FSTL5: variants seen among roughly 807,000 people sequenced by gnomAD.
FSTL5 encodes the protein follistatin-related protein 5.
FSTL5 carries 62 observed loss-of-function variants against 89.1 expected under a neutral mutation model. The observed-to-expected ratio is 0.70, with a 90% CI of 0.57 to 0.86. FSTL5 has a LOEUF of 0.86. Ranked by LOEUF, FSTL5 falls within the 40% of genes least tolerant of loss-of-function variation. The probability of loss-of-function intolerance (pLI) is 0.00; values close to 1 mark genes in which losing one functional copy is unlikely to be tolerated. For synonymous variants in FSTL5, 383 were observed against 346.2 expected (o/e 1.11, Z -1.18); for missense variants, 1,057 against 1,001.6 (o/e 1.06, Z -0.75).
At chr4:162,156,310 C>T (rs754929390) in intron 1 of FSTL5, among the ~76,000 whole-genome samples, 1 of 152,154 alleles carries the variant, frequency 6.6e-6, no homozygotes, top group Non-Finnish European at 1.5e-5. Flanking sequence ...TAGATTACTT[C>T]AGCCACTGAA....
chr4:161,985,814 A>G (rs769668208), intron 3 of FSTL5, among the ~76,000 whole-genome samples: 3 of 152,038 alleles, frequency 2.0e-5, no homozygotes, highest in Non-Finnish European at 4.4e-5. Flanking sequence ...TCATTACTCA[A>G]ATACCTACAT....
intron 4 of FSTL5, among the ~76,000 whole-genome samples, chr4:161,864,044 C>A (rs1732002567): frequency 6.6e-6 from 1 of 152,200 alleles, no homozygotes; most frequent in Non-Finnish European, 1.5e-5. Flanking sequence ...GTAGTGTCAA[C>A]TTTTGTTTCT....
chr4:162,025,559 G>A lies in FSTL5; in HGVS notation c.160+8066C>T, dbSNP rs116053874. On this transcript the variant is annotated intron_variant, in intron 3 of 15. Coordinates refer to ENST00000306100, the MANE Select transcript of FSTL5 (RefSeq NM_020116.5). ...TTTCAATAGCACAGAGCACATTTGAGCAGAATTTCCACTCATTTCAAGTGT... is the reference window on the plus strand; with the variant it reads ...TTTCAATAGCACAGAGCACATTTGAACAGAATTTCCACTCATTTCAAGTGT... 5.6e-3 allele frequency among the ~76,000 whole-genome samples: 846 copies of A among 152,084 alleles called. 9 individuals carry two copies. Among genetic ancestry groups the A allele is most frequent in the African/African-American group, 0.019 (802 of 41,522 alleles).
intron 5 of FSTL5, among the ~76,000 whole-genome samples, chr4:161,767,738 G>C (rs533589332): frequency 8.5e-5 from 13 of 152,208 alleles, no homozygotes; most frequent in African/African-American, 3.1e-4. Context: ...GATGAAATAG[G>C]ACGATTCAGA....
At chr4:161,506,799 T>C (rs1428685504) in intron 11 of FSTL5, among the ~76,000 whole-genome samples, 2 of 152,208 alleles carry the variant, frequency 1.3e-5, no homozygotes, top group Admixed American at 6.5e-5. Context: ...TGAAGTGTAA[T>C]GTAATATTAA....
chr4:161,689,524 A>G (rs1737859335), intron 6 of FSTL5, among the ~76,000 whole-genome samples: 1 of 152,150 alleles, frequency 6.6e-6, no homozygotes, highest in Admixed American at 6.5e-5. Flanking sequence ...TGCATTTTAA[A>G]TTTAATCTCA....
rs531217811 is a variant in FSTL5, at chr4:161,545,247, A to T, written c.1016-2554T>A. Among the ~76,000 whole-genome samples the T allele has an allele frequency of 5.3e-5, 8 of 152,172 alleles. No individual in the cohort carries two copies. The East Asian group carries it at 1.5e-3, about 29-fold the overall frequency. On this transcript the variant is annotated intron_variant, in intron 8 of 15. Transcript: ENST00000306100. ...AGTGAGCTACAACTGTTTCTCCCTC[A>T]AGAATAGTTCCCAAAGCAGGTGAAG...
At chr4:161,447,212 G>A (rs1383785381) in intron 15 of FSTL5, among the ~76,000 whole-genome samples, 1 of 152,006 alleles carries the variant, frequency 6.6e-6, no homozygotes, top group Non-Finnish European at 1.5e-5. Flanking sequence ...AAAATTTGTT[G>A]TAGAATGAGT....
intron 4 of FSTL5, among the ~76,000 whole-genome samples, chr4:161,908,255 C>A (rs1733592078): frequency 6.6e-6 from 1 of 151,934 alleles, no homozygotes; most frequent in Non-Finnish European, 1.5e-5. Flanking sequence ...AAGAATAGAT[C>A]TGTCACCTGA....
intron 10 of FSTL5, among the ~76,000 whole-genome samples, chr4:161,519,994 G>A (rs1017316911): frequency 2.6e-5 from 4 of 151,904 alleles, no homozygotes; most frequent in African/African-American, 9.7e-5. Flanking sequence ...TATCCTAGGC[G>A]GAACTCAAGA....
intron 2 of FSTL5, among the ~76,000 whole-genome samples, chr4:162,040,942 T>C (rs1386733793): frequency 6.6e-6 from 1 of 152,124 alleles, no homozygotes; most frequent in Non-Finnish European, 1.5e-5. Context: ...TCAACTGACA[T>C]ATCCTTAATG....
intron 7 of FSTL5, among the ~76,000 whole-genome samples, chr4:161,616,361 T>G (rs1311500149): frequency 1.3e-5 from 2 of 152,084 alleles, no homozygotes; most frequent in Non-Finnish European, 1.5e-5. Context: ...CTGAGGAACG[T>G]GGAAACACTA....
intron 1 of FSTL5, among the ~76,000 whole-genome samples, chr4:162,130,916 G>A (rs1246238132): frequency 8.6e-5 from 13 of 151,532 alleles, no homozygotes; most frequent in Non-Finnish European, 5.9e-5. Flanking sequence ...TATTAAATAT[G>A]GCCAATAACA....
intron 2 of FSTL5, among the ~76,000 whole-genome samples, chr4:162,058,757 T>A (rs77487691): frequency 0.11 from 16,673 of 152,060 alleles, 908 homozygotes; most frequent in Non-Finnish European, 0.12. Context: ...TAGAAATTTT[T>A]ATGGTTGACA....
chr4:161,971,030 T>C (rs1310629056), intron 3 of FSTL5, among the ~76,000 whole-genome samples: 1 of 144,912 alleles, frequency 6.9e-6, no homozygotes, highest in Non-Finnish European at 1.6e-5. Context: ...TCTGGGTATA[T>C]AAATTATTTT....
intron 7 of FSTL5, among the ~76,000 whole-genome samples, chr4:161,626,172 T>C (rs1408009084): frequency 6.6e-6 from 1 of 152,128 alleles, no homozygotes; most frequent in Admixed American, 6.6e-5. Context: ...ATATTTTTAA[T>C]GTAGACAAAA....
At chr4:161,422,173 A>G (rs761855785) in intron 15 of FSTL5, among the ~76,000 whole-genome samples, 4 of 152,056 alleles carry the variant, frequency 2.6e-5, no homozygotes. Context: ...TAGAGAAGCC[A>G]GACTAATATA....
intron 3 of FSTL5, among the ~76,000 whole-genome samples, chr4:162,011,238 C>T (rs1481546750): frequency 2.6e-5 from 4 of 152,038 alleles, no homozygotes; most frequent in Admixed American, 2.6e-4. Flanking sequence ...CTCCTTTTAT[C>T]GTCAAACCAT....
At position 161,709,273 on chromosome 4, in the gene FSTL5, T is replaced by G. The variant is rs1307514300; in HGVS notation, c.727+50138A>C. 3.3e-5 allele frequency among the ~76,000 whole-genome samples: 5 copies of G among 152,282 alleles called. No homozygotes were observed. In the East Asian group the frequency reaches 9.6e-4, roughly 29 times the overall value. ...TCACATAAATTTAAAAATTCAATAT[T>G]GATACATAATTTCAAAGGCATAAAT... is the stretch of plus-strand genomic sequence containing the variant. On this transcript the variant is annotated intron_variant, in intron 6 of 15. Coordinates refer to ENST00000306100, the MANE Select transcript of FSTL5 (RefSeq NM_020116.5).
Sources: gnomAD v4.1 joint callset for allele counts (sites outside exome capture counted in the v4.1 genomes callset) on GRCh38, gnomAD v4.1.1 for gene constraint, MANE v1.5 for transcripts, NCBI Gene and HGNC (gene_info 2026-07-23, HGNC 2026-07-21) for gene names.